TMEM209: variants seen among roughly 807,000 people sequenced by gnomAD.
TMEM209 encodes the protein transmembrane protein 209.
In TMEM209, 65 loss-of-function variants were observed where a neutral mutation model predicts 76.2. The ratio of observed to expected loss-of-function variants is 0.85; its 90% CI spans 0.70 to 1.05. TMEM209 has a LOEUF of 1.05. TMEM209 is among the 50% of genes least tolerant of loss of function. The pLI is 0.00. For missense variants in TMEM209, 623 were observed against 685.5 expected, an observed-to-expected ratio of 0.91 and a Z score of 1.02; for synonymous variants, 239 against 237.6, an observed-to-expected ratio of 1.01 and a Z score of -0.06.
At chr7:130,194,222 C>T (rs1305702795) in intron 5 of TMEM209, among the ~76,000 whole-genome samples, 1 of 150,624 alleles carries the variant, frequency 6.6e-6, no homozygotes, top group East Asian at 2.0e-4. Context: ...AGAAATATAC[C>T]ACTGTGAGGG....
intron 9 of TMEM209, among the ~76,000 whole-genome samples, chr7:130,178,999 G>GCTGGTCTCAAACTCCTGGGTT (rs1797328439): frequency 6.6e-6 from 1 of 151,944 alleles, no homozygotes; most frequent in Non-Finnish European, 1.5e-5. Context: ...TATTGCCTAG[G>GCTGGTCTCAAACTCCTGGGTT]CTGGTCTCAA....
chr7:130,176,905 C>T (rs1241327956), intron 10 of TMEM209, among the ~76,000 whole-genome samples: 1 of 151,716 alleles, frequency 6.6e-6, no homozygotes, highest in African/African-American at 2.4e-5. Context: ...ATAATCCCAG[C>T]ACTTTGGGAG....
intron 6 of TMEM209, among the ~76,000 whole-genome samples, chr7:130,188,164 T>G (rs1300532381): frequency 6.6e-6 from 1 of 152,096 alleles, no homozygotes; most frequent in Non-Finnish European, 1.5e-5. Context: ...ATTAGTTAAA[T>G]AACAGTTTAG....
Position 130,184,345 on chromosome 7 carries a change from A to T in TMEM209, c.952-90T>A, listed in dbSNP as rs114560420. 5,080 of 999,822 alleles carry T rather than the reference A, an allele frequency of 5.1e-3. 179 individuals carry two copies. In the African/African-American group the frequency reaches 0.074, roughly 14 times the overall value. The allele number at this position is 999,822 out of a possible 1,614,324, so 61.9% of individuals were successfully genotyped here. ...TTTCTCCCATCCTAAAAAATATTTAATGAACTTTGAAAAAAAATTTCCCAA... is the reference window on the plus strand; with the variant it reads ...TTTCTCCCATCCTAAAAAATATTTATTGAACTTTGAAAAAAAATTTCCCAA... On this transcript the variant is annotated intron_variant, in intron 7 of 14. Transcript: ENST00000397622.
intron 1 of TMEM209, among the ~76,000 whole-genome samples, chr7:130,204,622 G>A (rs1476868717): frequency 1.3e-5 from 2 of 152,182 alleles, no homozygotes; most frequent in Admixed American, 6.5e-5. Flanking sequence ...TTACAGGCGT[G>A]AGCCACCGCG....
intron 1 of TMEM209, 89 bp from the exon 2 acceptor site, chr7:130,204,199 T>C (rs988254888): frequency 1.5e-6 from 2 of 1,341,876 alleles, no homozygotes; most frequent in African/African-American, 3.0e-5. Context: ...TAAAGGTAAC[T>C]GAAACCGCAT....
chr7:130,184,106 C>G, intron 8 of TMEM209, 78 bp downstream of exon 8: 1 of 983,086 alleles, frequency 1.0e-6, no homozygotes, highest in Non-Finnish European at 1.5e-6. Flanking sequence ...TTATAATGAA[C>G]TCTAAATGAT....
chr7:130,169,694 G>T (rs1303209206), intron 14 of TMEM209, among the ~76,000 whole-genome samples: 1 of 151,872 alleles, frequency 6.6e-6, no homozygotes, highest in Non-Finnish European at 1.5e-5. Flanking sequence ...ATGCATATCG[G>T]AAGTGGAAAT....
At chr7:130,183,326 G>GACCA (rs1232348548) in intron 8 of TMEM209, among the ~76,000 whole-genome samples, 1 of 152,164 alleles carries the variant, frequency 6.6e-6, no homozygotes, top group African/African-American at 2.4e-5. Flanking sequence ...GTCCCAGAGA[G>GACCA]AGGTCTAGGC....
chr7:130,193,241 A>G (rs1483037499), intron 5 of TMEM209, among the ~76,000 whole-genome samples: 1 of 152,224 alleles, frequency 6.6e-6, no homozygotes, highest in Non-Finnish European at 1.5e-5. Context: ...ATGGAGTATT[A>G]GCACTAAAAA....
chr7:130,187,294 A>T (rs1231955628), intron 6 of TMEM209, among the ~76,000 whole-genome samples: 1 of 152,104 alleles, frequency 6.6e-6, no homozygotes, highest in East Asian at 1.9e-4. Context: ...TATTAAGATG[A>T]ATAATGGAGC....
At position 130,175,576 on chromosome 7, in the gene TMEM209, C is replaced by A; in HGVS notation, c.1280G>T (p.Arg427Leu). 6.2e-7 allele frequency: 1 copy of A among 1,612,742 alleles called. No homozygotes were observed. Among genetic ancestry groups the A allele is most frequent in the South Asian group, 1.1e-5 (1 of 90,816 alleles). The change falls in exon 11 of 15, where the codon CGA becomes CTA. Residue 427 changes from arginine to leucine, a missense_variant. Coordinates refer to ENST00000397622, the MANE Select transcript of TMEM209 (RefSeq NM_032842.4). ...TTTGAAGTCGCCACCTCTGTTCCATCGAAATGAGCTCATACAACCTCCCTG... is the reference window on the plus strand; with the variant it reads ...TTTGAAGTCGCCACCTCTGTTCCATAGAAATGAGCTCATACAACCTCCCTG... ...LSQGGCMSSFRWNRGGDFKGR... is the reference protein window; with the variant it reads ...LSQGGCMSSFLWNRGGDFKGR...
rs571793461 is a variant in TMEM209 at position 130,204,847 on chromosome 7, C to T, written c.3+526G>A. 1.9e-5 allele frequency: 14 copies of T among 736,774 alleles called. No homozygotes were observed. The East Asian group carries it at 1.4e-3, about 75-fold the overall frequency. 45.6% of individuals were successfully genotyped at this position (736,774 alleles called of 1,614,324 possible). A position where few individuals can be genotyped will look rare whatever the true frequency, so the allele number is the denominator to read the frequency against. On this transcript the variant is annotated intron_variant, in intron 1 of 14. Coordinates refer to ENST00000397622, the MANE Select transcript of TMEM209 (RefSeq NM_032842.4). ...GCTGTAAGTCATAAAGACTGTTGTA[C>T]ATCCTCATGCAGACGCCATTACTAT...
In TMEM209 at chr7:130,185,232, T is replaced by C. The variant is rs1311921554; in HGVS notation, c.911A>G (p.Lys304Arg). The C allele has an allele frequency of 6.2e-7, 1 of 1,613,942 alleles. No homozygotes were observed. Among genetic ancestry groups the C allele is most frequent in the Non-Finnish European group, 8.5e-7 (1 of 1,179,824 alleles). Residue 304 changes from lysine to arginine, a missense_variant, in exon 7 of 15, where the codon AAA becomes AGA. Coordinates refer to ENST00000397622, the MANE Select transcript of TMEM209 (RefSeq NM_032842.4). ...ACRSQAPCAN[K>R]DEADLSSKQA... The stretch of plus-strand genomic sequence containing the variant: ...TTTAGAGCTGAGATCGGCTTCATCT[T>C]TGTTAGCACATGGGGCCTGAGACCT...
rs200514715 is a variant in TMEM209 at position 130,205,399 on chromosome 7, C to T, written c.-24G>A. On this transcript the variant is annotated 5_prime_UTR_variant, in exon 1 of 15. Coordinates refer to ENST00000397622, the MANE Select transcript of TMEM209 (RefSeq NM_032842.4). ...ATGTCCTCTGGCCGGAAAACGCAGG[C>T]TCGCGCCACTCTCTCTGGGCATGCG... The T allele has an allele frequency of 6.8e-6, 11 of 1,613,668 alleles. No individual in the cohort carries two copies. Among genetic ancestry groups the T allele is most frequent in the African/African-American group, 2.7e-5 (2 of 75,016 alleles).
At chr7:130,199,914 A>C (rs1380100149) in intron 5 of TMEM209, 1 of 152,178 alleles carries the variant, frequency 6.6e-6, no homozygotes, top group Non-Finnish European at 1.5e-5. Flanking sequence ...CCCGAAAAAG[A>C]CAAATCACAT....
At chr7:130,203,423 A>T (rs1459719085) in intron 3 of TMEM209, among the ~76,000 whole-genome samples, 1 of 152,234 alleles carries the variant, frequency 6.6e-6, no homozygotes, top group Non-Finnish European at 1.5e-5. Context: ...GAGAGGAAAG[A>T]ATGTGAAAAC....
chr7:130,188,780 T>C (rs1797698662), intron 6 of TMEM209, among the ~76,000 whole-genome samples: 1 of 152,058 alleles, frequency 6.6e-6, no homozygotes, highest in Admixed American at 6.6e-5. Context: ...TATTTTATTA[T>C]ATATTACCGA....
At chr7:130,173,450 C>A (rs1797137852) in intron 13 of TMEM209, among the ~76,000 whole-genome samples, 182 bp downstream of exon 13, 1 of 152,138 alleles carries the variant, frequency 6.6e-6, no homozygotes, top group Admixed American at 6.5e-5. Flanking sequence ...CCTTCTTTTT[C>A]TTTATACTTT....
Sources: allele counts gnomAD v4.1 joint callset (sites outside exome capture counted in the v4.1 genomes callset), GRCh38; gene constraint gnomAD v4.1.1; transcripts MANE v1.5; gene names NCBI Gene and HGNC (gene_info 2026-07-23, HGNC 2026-07-21).